The following CSMD1 variants were observed in gnomAD, a reference collection of about 807,000 sequenced individuals.
CSMD1 encodes CUB and sushi domain-containing protein 1.
Under a neutral mutation model 417.5 loss-of-function variants are expected in CSMD1, and 213 were observed. That is an observed-to-expected ratio of 0.51 (90% CI 0.46 to 0.57). The LOEUF is 0.57. Among genes scored for constraint, CSMD1 ranks in the 20% least tolerant of loss-of-function variants. CSMD1 has a pLI of 0.00. For missense variants in CSMD1, 6,923 were observed against 4,529.7 expected, an observed-to-expected ratio of 1.53 and a Z score of -15.17; for synonymous variants, 2,862 against 1,736.8, an observed-to-expected ratio of 1.65 and a Z score of -16.11.
chr8:4,736,064 C>T (rs1380293434), intron 1 of CSMD1, among the ~76,000 whole-genome samples: 1 of 152,128 alleles, frequency 6.6e-6, no homozygotes, highest in African/African-American at 2.4e-5. Context: ...CCTGTGTTAG[C>T]CTTCATGAAT....
chr8:3,389,077 A>C (rs1425474321), intron 17 of CSMD1, among the ~76,000 whole-genome samples: 1 of 152,116 alleles, frequency 6.6e-6, no homozygotes, highest in East Asian at 1.9e-4. Context: ...TTTTATTTTA[A>C]AACCCAGTGC....
intron 3 of CSMD1, among the ~76,000 whole-genome samples, chr8:4,278,391 G>A (rs1483419836): frequency 1.3e-5 from 2 of 152,142 alleles, no homozygotes; most frequent in Admixed American, 6.5e-5. Flanking sequence ...CAGCTATACA[G>A]AATATGAATA....
Position 3,811,766 on chromosome 8 carries a change from C to G in CSMD1, c.819-57724G>C, listed in dbSNP as rs185942719. Among the ~76,000 whole-genome samples the G allele has an allele frequency of 2.2e-4, 34 of 152,202 alleles. 1 individual carries two copies. In the East Asian group the frequency reaches 5.0e-3, roughly 23 times the overall value. On this transcript the variant is annotated intron_variant, in intron 5 of 69. Transcript: ENST00000635120. The stretch of plus-strand genomic sequence containing the variant: ...GAAAGGGAACCTCCATGGACAATAG[C>G]TGAGTGAGAGATGAGGAGAATCAGT...
At chr8:4,069,234 A>C (rs2244250) in intron 3 of CSMD1, among the ~76,000 whole-genome samples, 19,761 of 152,190 alleles carry the variant, frequency 0.13, 1,371 homozygotes, top group African/African-American at 0.18. Context: ...TACAGATGAG[A>C]AAATCAAAAA....
intron 2 of CSMD1, among the ~76,000 whole-genome samples, chr8:4,553,189 T>G (rs183509693): frequency 9.3e-4 from 142 of 152,340 alleles, no homozygotes; most frequent in African/African-American, 3.1e-3. Context: ...CCCTTTCCCA[T>G]GTTTCACATG....
At chr8:3,769,249 A>G (rs60610620) in intron 5 of CSMD1, among the ~76,000 whole-genome samples, 2,456 of 152,304 alleles carry the variant, frequency 0.016, 52 homozygotes, top group African/African-American at 0.056. Context: ...GATCATCACC[A>G]TGATTCTTCC....
chr8:4,863,066 C>A lies in CSMD1; in HGVS notation c.85+131266G>T, dbSNP rs1802229627. ...TGACAATGTGAGGTCCCTGGTGATTCTGGTGAACACTGTTATAGTAGCCGG... is the reference window on the plus strand; with the variant it reads ...TGACAATGTGAGGTCCCTGGTGATTATGGTGAACACTGTTATAGTAGCCGG... On this transcript the variant is annotated intron_variant, in intron 1 of 69. Coordinates refer to ENST00000635120, the MANE Select transcript of CSMD1 (RefSeq NM_033225.6). Among the ~76,000 whole-genome samples the A allele has an allele frequency of 1.3e-5, 2 of 152,038 alleles. 1 individual carries two copies. The highest frequency in any genetic ancestry group is 4.2e-4 in the South Asian group (2 of 4,818).
chr8:3,347,767 G>A (rs1484128216), intron 22 of CSMD1, among the ~76,000 whole-genome samples: 2 of 152,184 alleles, frequency 1.3e-5, no homozygotes, highest in African/African-American at 2.4e-5. Flanking sequence ...ACTGATAAAT[G>A]TTAGATCGAG....
At chr8:4,233,953 G>C (rs1026151849) in intron 3 of CSMD1, among the ~76,000 whole-genome samples, 1 of 150,722 alleles carries the variant, frequency 6.6e-6, no homozygotes, top group African/African-American at 2.4e-5. Context: ...AATGCATGGA[G>C]AGCTTAAGGT....
chr8:3,997,268 T>C (rs904935218), intron 5 of CSMD1, among the ~76,000 whole-genome samples: 4 of 152,226 alleles, frequency 2.6e-5, no homozygotes, highest in Admixed American at 2.6e-4. Flanking sequence ...ACGATACTAT[T>C]CTTGCAATCA....
chr8:3,108,836 TAATAAAAGC>T (rs1207276630), intron 43 of CSMD1, 88 bp from the exon 44 acceptor site: 2 of 1,319,896 alleles, frequency 1.5e-6, no homozygotes, highest in African/African-American at 3.0e-5. Flanking sequence ...TTAATTTTTT[TAATAAAAGC>T]AATAAAACAT....
intron 1 of CSMD1, among the ~76,000 whole-genome samples, chr8:4,825,713 C>T (rs1479816652): frequency 7.4e-6 from 1 of 136,034 alleles, no homozygotes; most frequent in Non-Finnish European, 1.7e-5. Flanking sequence ...AAAAGATTTG[C>T]AAACCATTTA....
At position 3,981,461 on chromosome 8, in the gene CSMD1, C is replaced by A. The variant is rs991222482; in HGVS notation, c.818+16442G>T. ...ACCGCTAAAGAACTTACTCATGTAT[C>A]CAAATACCACCTGTACTCCAATAAC... On this transcript the variant is annotated intron_variant, in intron 5 of 69. Coordinates refer to ENST00000635120, the MANE Select transcript of CSMD1 (RefSeq NM_033225.6). Among the ~76,000 whole-genome samples, 3 of 137,476 alleles carry A rather than the reference C, an allele frequency of 2.2e-5. No homozygotes were observed. The Admixed American group carries it at 2.5e-4, about 11-fold the overall frequency. The allele number at this position is 137,476 out of a possible 152,430, so 90.2% of individuals were successfully genotyped here.
chr8:4,941,804 GC>G (rs1808022304), intron 1 of CSMD1, among the ~76,000 whole-genome samples: 2 of 151,974 alleles, frequency 1.3e-5, no homozygotes, highest in Admixed American at 1.3e-4. Flanking sequence ...TCCCCATGTT[GC>G]CCAGGATGGT....
chr8:3,611,886 T>TA lies in CSMD1; in HGVS notation c.1097+4823dup, dbSNP rs139761157. Reference sequence around the variant, plus strand: ...GCCAATAAATTTTGATGTAAGAAAATAAAAAATGTTTATTTTCAAAACCCC... The same window carrying TA: ...GCCAATAAATTTTGATGTAAGAAAATAAAAAAATGTTTATTTTCAAAACCCC... On this transcript the variant is annotated intron_variant, in intron 8 of 69. Coordinates refer to ENST00000635120, the MANE Select transcript of CSMD1 (RefSeq NM_033225.6). 9.4e-3 allele frequency among the ~76,000 whole-genome samples: 1,423 copies of TA among 152,098 alleles called. 26 individuals carry two copies. Among genetic ancestry groups the TA allele is most frequent in the African/African-American group, 0.033 (1,375 of 41,532 alleles).
intron 5 of CSMD1, among the ~76,000 whole-genome samples, chr8:3,889,306 G>A (rs1004589426): frequency 2.6e-5 from 4 of 150,996 alleles, no homozygotes; most frequent in African/African-American, 4.9e-5. Flanking sequence ...GAGGTTAAAA[G>A]GAAAAGAAGA....
At chr8:3,543,727 A>T (rs981611040) in intron 10 of CSMD1, among the ~76,000 whole-genome samples, 3 of 152,184 alleles carry the variant, frequency 2.0e-5, no homozygotes, top group South Asian at 2.1e-4. Context: ...GCTTTTAGAC[A>T]TGCTGTGTTT....
chr8:3,392,980 G>A (rs528920871), intron 17 of CSMD1, among the ~76,000 whole-genome samples: 1 of 152,184 alleles, frequency 6.6e-6, no homozygotes, highest in Non-Finnish European at 1.5e-5. Context: ...GGCCTTTCCT[G>A]ACTCATTTTC....
intron 3 of CSMD1, among the ~76,000 whole-genome samples, chr8:4,396,317 A>T (rs79651512): frequency 4.0e-4 from 60 of 150,850 alleles, no homozygotes; most frequent in Non-Finnish European, 6.8e-4. Context: ...AAAAAAAAAA[A>T]ATAGCCAGGC....
Sources: gnomAD v4.1 joint callset for allele counts (sites outside exome capture counted in the v4.1 genomes callset) on GRCh38, gnomAD v4.1.1 for gene constraint, MANE v1.5 for transcripts, NCBI Gene and HGNC (gene_info 2026-07-23, HGNC 2026-07-21) for gene names.